SLCO3A1: variants seen among roughly 807,000 people sequenced by gnomAD.
SLCO3A1 encodes the protein solute carrier organic anion transporter family member 3A1.
In SLCO3A1, 27 loss-of-function variants were observed where a neutral mutation model predicts 63.1. That is an observed-to-expected ratio of 0.43 (90% CI 0.32 to 0.59). The LOEUF (loss-of-function observed/expected upper bound fraction) is 0.59. Ranked by LOEUF, SLCO3A1 falls within the 20% of genes least tolerant of loss-of-function variation. The probability of loss-of-function intolerance (pLI) is 0.09; values close to 1 mark genes in which losing one functional copy is unlikely to be tolerated. For missense variants in SLCO3A1, 773 were observed against 945.8 expected (o/e 0.82, Z 2.40); for synonymous variants, 473 against 409.9 (o/e 1.15, Z -1.86).
In SLCO3A1 at chr15:92,128,315, G is replaced by T. The variant is rs532830989; in HGVS notation, c.1374-36G>T. On this transcript the variant is annotated intron_variant, in intron 6 of 9. Transcript: ENST00000318445. ...GGGGCATCTGATTCCGAATTGACCTGTTTCTAATGGCTTCCGTGTTTCCTT... is the reference window on the plus strand; with the variant it reads ...GGGGCATCTGATTCCGAATTGACCTTTTTCTAATGGCTTCCGTGTTTCCTT... 8.7e-6 allele frequency: 14 copies of T among 1,613,462 alleles called. No individual in the cohort carries two copies. In the Admixed American group the frequency reaches 1.3e-4, roughly 15 times the overall value.
At chr15:92,051,795 T>C (rs1356222642) in intron 2 of SLCO3A1, among the ~76,000 whole-genome samples, 2 of 152,152 alleles carry the variant, frequency 1.3e-5, no homozygotes, top group Admixed American at 6.5e-5. Context: ...ACATTTTCCA[T>C]TGATGGCCTC....
intron 2 of SLCO3A1, among the ~76,000 whole-genome samples, chr15:92,090,409 A>G (rs2047457510): frequency 6.6e-6 from 1 of 152,170 alleles, no homozygotes; most frequent in South Asian, 2.1e-4. Context: ...GTGCTAATTC[A>G]CTGAAGGCCT....
chr15:92,078,246 G>A (rs1384272997), intron 2 of SLCO3A1, among the ~76,000 whole-genome samples: 1 of 152,192 alleles, frequency 6.6e-6, no homozygotes, highest in African/African-American at 2.4e-5. Context: ...TACACAAGTT[G>A]GCTTTTGGGA....
chr15:91,926,123 C>A (rs955443955), intron 2 of SLCO3A1, among the ~76,000 whole-genome samples: 15 of 152,240 alleles, frequency 9.9e-5, no homozygotes, highest in African/African-American at 3.6e-4. Context: ...TCTGAAGAAC[C>A]CCTGACCCTA....
intron 1 of SLCO3A1, among the ~76,000 whole-genome samples, chr15:91,910,832 G>A (rs139311773): frequency 6.6e-6 from 1 of 152,338 alleles, no homozygotes; most frequent in Non-Finnish European, 1.5e-5. Context: ...CTTGCAGGTG[G>A]GAGGACACGC....
exon 11 of SLCO3A1, chr15:92,171,987 A>T (rs1256788161): frequency 4.1e-6 from 3 of 723,650 alleles, no homozygotes; most frequent in Non-Finnish European, 7.2e-6. Flanking sequence ...TTATCCAGCC[A>T]GTGTGTGGTC....
At chr15:92,091,540 C>A (rs1202229736) in intron 2 of SLCO3A1, among the ~76,000 whole-genome samples, 6 of 152,222 alleles carry the variant, frequency 3.9e-5, no homozygotes, top group Admixed American at 3.9e-4. Flanking sequence ...AGCTCAGAAC[C>A]TGCCTTGCAC....
chr15:92,161,176 C>T (rs2048432367), intron 9 of SLCO3A1, among the ~76,000 whole-genome samples: 1 of 152,162 alleles, frequency 6.6e-6, no homozygotes, highest in South Asian at 2.1e-4. Context: ...AGATGGTTGG[C>T]ACTTTATTCT....
Position 91,862,771 on chromosome 15 carries a change from A to G in SLCO3A1, c.180+8683A>G, listed in dbSNP as rs1157800799. On this transcript the variant is annotated intron_variant, in intron 1 of 9. Coordinates refer to ENST00000318445, the MANE Select transcript of SLCO3A1 (RefSeq NM_013272.4). The surrounding 1 kb of genome is among the most constrained non-coding windows in gnomAD (Gnocchi z 4.0). ...CAGGAATTTGAGGGAGTTAGAAGTG[A>G]TTATTTTTACCGCCATTTCTGCACT... 1.4e-4 allele frequency among the ~76,000 whole-genome samples: 21 copies of G among 152,226 alleles called. No homozygotes were observed. Among genetic ancestry groups the G allele is most frequent in the Admixed American group, 1.3e-3 (20 of 15,282 alleles).
chr15:92,151,118 C>A (rs1287758098), intron 9 of SLCO3A1, 104 bp downstream of exon 9: 1 of 849,464 alleles, frequency 1.2e-6, no homozygotes, highest in Non-Finnish European at 1.8e-6. Context: ...TCTCTTTTTT[C>A]TTTGCAGTTT....
chr15:91,854,144 G>A lies in SLCO3A1; in HGVS notation c.180+56G>A, dbSNP rs960763787. On this transcript the variant is annotated intron_variant, in intron 1 of 9. Transcript: ENST00000318445. The surrounding 1 kb of genome is among the most constrained non-coding windows in gnomAD (Gnocchi z 6.4). ...CCCTTCCCCAGCCCGGCTCTCGAGCGGCCGCCTGGCCCGACGAGGGGGCCG... is the reference window on the plus strand; with the variant it reads ...CCCTTCCCCAGCCCGGCTCTCGAGCAGCCGCCTGGCCCGACGAGGGGGCCG... 2 of 1,320,002 alleles carry A rather than the reference G, an allele frequency of 1.5e-6. No individual in the cohort carries two copies. Among genetic ancestry groups the A allele is most frequent in the Non-Finnish European group, 2.0e-6 (2 of 1,024,772 alleles). The allele number at this position is 1,320,002 out of a possible 1,614,324, so 81.8% of individuals were successfully genotyped here.
chr15:92,167,639 ACT>A (rs1265321351), downstream of SLCO3A1, among the ~76,000 whole-genome samples: 4 of 152,122 alleles, frequency 2.6e-5, no homozygotes, highest in Admixed American at 1.3e-4. Context: ...AAATTGGAAT[ACT>A]CTCTCACTGG....
intron 2 of SLCO3A1, among the ~76,000 whole-genome samples, chr15:92,049,914 G>A (rs1217159549): frequency 6.6e-6 from 1 of 152,146 alleles, no homozygotes. Context: ...CAAGTTGCTC[G>A]TGAGCTTTTT....
intron 2 of SLCO3A1, among the ~76,000 whole-genome samples, chr15:92,013,518 G>T (rs1358674225): frequency 6.6e-6 from 1 of 152,204 alleles, no homozygotes. Flanking sequence ...TGCCCGAGGA[G>T]CACAGCACAG....
rs188765849 is a variant in SLCO3A1 at position 92,171,921 on chromosome 15, C to T, written c.*59C>T. The T allele has an allele frequency of 9.7e-5, 128 of 1,321,682 alleles. 1 individual carries two copies. The East Asian group carries it at 2.2e-3, about 23-fold the overall frequency. 81.9% of individuals were successfully genotyped at this position (1,321,682 alleles called of 1,614,324 possible). On this transcript the variant is annotated 3_prime_UTR_variant, in exon 11 of 11. Coordinates refer to the SLCO3A1 transcript ENST00000424469. ...AGCCCACCACCACCCACAGACCTCG[C>T]GGGCCTCACTTAGCGCGCTCCTCCC...
chr15:91,930,536 T>C (rs7170211), intron 2 of SLCO3A1, among the ~76,000 whole-genome samples: 42,760 of 152,160 alleles, frequency 0.28, 7,638 homozygotes, highest in East Asian at 0.7. Context: ...ATTGTATTTT[T>C]GAGACACTTA....
At chr15:92,025,527 G>A (rs903988721) in intron 2 of SLCO3A1, among the ~76,000 whole-genome samples, 2 of 152,212 alleles carry the variant, frequency 1.3e-5, no homozygotes, top group African/African-American at 2.4e-5. Flanking sequence ...GCATCCACTT[G>A]TTGTTTTGGA....
chr15:91,994,990 A>C lies in SLCO3A1; in HGVS notation c.646+78532A>C, dbSNP rs538866109. Among the ~76,000 whole-genome samples, 5 of 152,340 alleles carry C rather than the reference A, an allele frequency of 3.3e-5. No individual in the cohort carries two copies. In the East Asian group the frequency reaches 9.7e-4, roughly 29 times the overall value. ...ACCCTGCCCTCATTCCCACGTAGGA[A>C]AAATCCTTTACATGAGCATCTCCTG... On this transcript the variant is annotated intron_variant, in intron 2 of 9. Transcript: ENST00000318445.
At chr15:92,128,211 G>A in intron 6 of SLCO3A1, 140 bp from the exon 7 acceptor site, 11 of 1,035,678 alleles carry the variant, frequency 1.1e-5, no homozygotes, top group Middle Eastern at 2.2e-4. Context: ...TAAAGGAAAA[G>A]GGAAGGGAGA....
Sources: allele counts gnomAD v4.1 joint callset (sites outside exome capture counted in the v4.1 genomes callset), GRCh38; gene constraint gnomAD v4.1.1; non-coding constraint Gnocchi (gnomAD v3.1); transcripts MANE v1.5; gene names NCBI Gene and HGNC (gene_info 2026-07-23, HGNC 2026-07-21).